LRP1B: variants seen among roughly 807,000 people sequenced by gnomAD.
LRP1B encodes low-density lipoprotein receptor-related protein 1B.
LRP1B carries 217 observed loss-of-function variants against 556.6 expected under a neutral mutation model. That is an observed-to-expected ratio of 0.39 (90% CI 0.35 to 0.44). The LOEUF (loss-of-function observed/expected upper bound fraction) is 0.44. Ranked by LOEUF, LRP1B falls within the 20% of genes least tolerant of loss-of-function variation. The probability of loss-of-function intolerance (pLI) is 1.00; values close to 1 mark genes in which losing one functional copy is unlikely to be tolerated. For missense variants in LRP1B, 5,053 were observed against 5,620.8 expected (o/e 0.90, Z 3.23); for synonymous variants, 2,047 against 1,865.8 (o/e 1.10, Z -2.50).
intron 2 of LRP1B, among the ~76,000 whole-genome samples, chr2:141,570,644 C>T (rs915219735): frequency 5.3e-5 from 8 of 151,148 alleles, no homozygotes; most frequent in African/African-American, 1.9e-4. Context: ...AACTGCCTAA[C>T]AAGCTAAGCT....
At chr2:141,461,004 T>C (rs1272178244) in intron 3 of LRP1B, among the ~76,000 whole-genome samples, 2 of 151,356 alleles carry the variant, frequency 1.3e-5, no homozygotes, top group East Asian at 1.9e-4. Flanking sequence ...CATAGCCAAC[T>C]CTCTTTGCAG....
rs927959727 is a variant in LRP1B at position 140,872,288 on chromosome 2, A to G, written c.4170-4025T>C. On this transcript the variant is annotated intron_variant, in intron 25 of 90. Transcript: ENST00000389484. ...GGGAAAACCGTCTGTTTTTCCTTAC[A>G]GAATCTCAAGAGTGTGAACAGACAA... is the stretch of plus-strand genomic sequence containing the variant. Among the ~76,000 whole-genome samples, 4 of 149,814 alleles carry G rather than the reference A, an allele frequency of 2.7e-5. No homozygotes were observed. The Admixed American group carries it at 2.7e-4, about 10-fold the overall frequency.
chr2:141,001,319 TC>T lies in LRP1B; in HGVS notation c.2503+4015del, dbSNP rs1027401247. On this transcript the variant is annotated intron_variant, in intron 15 of 90. Coordinates refer to ENST00000389484, the MANE Select transcript of LRP1B (RefSeq NM_018557.3). ...ATTGAATAAGCCTGTAAGCTGTCCATCTTTTTTTTTTGTTTTTATACTTTAA... is the reference window on the plus strand; with the variant it reads ...ATTGAATAAGCCTGTAAGCTGTCCATTTTTTTTTTTGTTTTTATACTTTAA... 2.8e-3 allele frequency among the ~76,000 whole-genome samples: 20 copies of T among 7,262 alleles called. No homozygotes were observed. The South Asian group carries it at 0.43, about 156-fold the overall frequency. 4.8% of individuals were successfully genotyped at this position (7,262 alleles called of 152,430 possible).
intron 22 of LRP1B, 102 bp downstream of exon 22, chr2:140,907,775 G>A: frequency 1.0e-6 from 1 of 996,686 alleles, no homozygotes; most frequent in Non-Finnish European, 1.6e-6. Context: ...ACATTTAAAG[G>A]GAATGAATGA....
At chr2:141,096,644 G>C (rs1308314532) in intron 7 of LRP1B, among the ~76,000 whole-genome samples, 1 of 92,084 alleles carries the variant, frequency 1.1e-5, no homozygotes, top group South Asian at 4.4e-4. Flanking sequence ...GAGAGAGAGA[G>C]AGAGAGAGAG....
chr2:140,372,287 G>T (rs901516667), intron 69 of LRP1B, among the ~76,000 whole-genome samples: 3 of 151,990 alleles, frequency 2.0e-5, no homozygotes, highest in Non-Finnish European at 2.9e-5. Flanking sequence ...AAGGAAATCT[G>T]TGATCAATTA....
chr2:140,517,693 A>G (rs1235743318), intron 49 of LRP1B, among the ~76,000 whole-genome samples: 1 of 143,820 alleles, frequency 7.0e-6, no homozygotes, highest in East Asian at 2.1e-4. Flanking sequence ...CATATAGAAT[A>G]CTATATTTAT....
intron 35 of LRP1B, among the ~76,000 whole-genome samples, chr2:140,730,179 T>C (rs1017319013): frequency 2.6e-5 from 4 of 152,196 alleles, no homozygotes; most frequent in African/African-American, 9.7e-5. Context: ...TTCTGAATGT[T>C]TGCAAAAGCC....
chr2:141,958,439 T>C (rs541304434), intron 1 of LRP1B, among the ~76,000 whole-genome samples: 2 of 152,066 alleles, frequency 1.3e-5, no homozygotes, highest in Non-Finnish European at 2.9e-5. Context: ...AAACCCATTC[T>C]TGTTTGCAAA....
At chr2:140,899,248 T>C (rs1165931676) in intron 23 of LRP1B, 1 of 152,842 alleles carries the variant, frequency 6.5e-6, no homozygotes, top group African/African-American at 2.4e-5. Context: ...TATGTTTTAC[T>C]CAATGATCCT....
intron 2 of LRP1B, among the ~76,000 whole-genome samples, chr2:141,788,249 C>T (rs1185375442): frequency 3.3e-5 from 5 of 151,904 alleles, no homozygotes; most frequent in Admixed American, 2.0e-4. Flanking sequence ...TTTATGAAAA[C>T]CTTCTTGGAA....
chr2:140,595,685 A>G (rs953687800), intron 43 of LRP1B, among the ~76,000 whole-genome samples: 1 of 152,144 alleles, frequency 6.6e-6, no homozygotes, highest in Admixed American at 6.5e-5. Flanking sequence ...ATAAAGTATA[A>G]GAGCTTTGAT....
chr2:140,398,916 G>T (rs550840108), intron 66 of LRP1B, among the ~76,000 whole-genome samples: 1 of 151,932 alleles, frequency 6.6e-6, no homozygotes, highest in Non-Finnish European at 1.5e-5. Context: ...AAGGCATTAG[G>T]GTCAGAATTA....
At chr2:141,662,816 G>C (rs370237608) in intron 2 of LRP1B, among the ~76,000 whole-genome samples, 1 of 151,860 alleles carries the variant, frequency 6.6e-6, no homozygotes, top group Non-Finnish European at 1.5e-5. Flanking sequence ...CTCACCTCTC[G>C]ATCAAGTGGA....
At chr2:140,875,629 T>C (rs565112457) in intron 25 of LRP1B, among the ~76,000 whole-genome samples, 2 of 152,292 alleles carry the variant, frequency 1.3e-5, no homozygotes, top group East Asian at 3.9e-4. Flanking sequence ...TTGACACTTT[T>C]AAAAATCAAA....
At chr2:141,254,424 C>T (rs1684383795) in intron 4 of LRP1B, 98 bp downstream of exon 4, 2 of 1,220,300 alleles carry the variant, frequency 1.6e-6, no homozygotes, top group South Asian at 1.3e-5. Flanking sequence ...AACATAAACA[C>T]TGTAGAGCAC....
intron 41 of LRP1B, among the ~76,000 whole-genome samples, chr2:140,651,283 A>C (rs1366187961): frequency 2.2e-5 from 3 of 139,160 alleles, no homozygotes; most frequent in African/African-American, 8.2e-5. Context: ...ATTCTCACTC[A>C]TAGGTGGGAA....
At chr2:141,021,891 T>C (rs1698074497) in intron 11 of LRP1B, among the ~76,000 whole-genome samples, 1 of 152,000 alleles carries the variant, frequency 6.6e-6, no homozygotes, top group East Asian at 1.9e-4. Flanking sequence ...ACATTTAGCA[T>C]ATTTCCTGGA....
At chr2:140,930,898 C>G (rs1573892259) in intron 20 of LRP1B, among the ~76,000 whole-genome samples, 1 of 152,084 alleles carries the variant, frequency 6.6e-6, no homozygotes, top group Non-Finnish European at 1.5e-5. Context: ...GGTCTGGCAG[C>G]ACATCCATAG....
Sources: allele counts gnomAD v4.1 joint callset (sites outside exome capture counted in the v4.1 genomes callset), GRCh38; gene constraint gnomAD v4.1.1; transcripts MANE v1.5; gene names NCBI Gene and HGNC (gene_info 2026-07-23, HGNC 2026-07-21).